Variants in FLVCR2 observed in about 807,000 individuals in gnomAD.
FLVCR2 encodes choline/ethanolamine transporter FLVCR2.
FLVCR2 carries 38 observed loss-of-function variants against 48.9 expected under a neutral mutation model. That is an observed-to-expected ratio of 0.78 (90% CI 0.60 to 1.02). The LOEUF is 1.02. FLVCR2 is among the 50% of genes least tolerant of loss of function. The pLI, the probability that FLVCR2 is intolerant of heterozygous loss-of-function variation, is 0.00. For synonymous variants in FLVCR2, 255 were observed against 257.0 expected (o/e 0.99, Z 0.07); for missense variants, 664 against 663.3 (o/e 1.00, Z -0.01).
In FLVCR2 at chr14:75,622,158, T is replaced by A. The variant is rs754550043; in HGVS notation, c.749T>A (p.Ile250Asn). ...GACCGGGACGAGCTTGCCTACCACA[T>A]CAGCATCATGTTCTATATAATAGGA... ...IEDRDELAYH[I>N]SIMFYIIGGV... The change falls in exon 2 of 10, where the codon ATC becomes AAC. Residue 250 changes from isoleucine (I) to asparagine (N), a missense_variant. Ile to Asn is a moderately radical substitution (Grantham distance 149). Transcript: ENST00000238667. 2 of 1,614,060 alleles carry A rather than the reference T, an allele frequency of 1.2e-6. No individual in the cohort carries two copies. Among genetic ancestry groups the A allele is most frequent in the Non-Finnish European group, 8.5e-7 (1 of 1,179,932 alleles).
intron 1 of FLVCR2, among the ~76,000 whole-genome samples, chr14:75,599,104 C>A (rs1459055487): frequency 2.0e-5 from 3 of 152,148 alleles, no homozygotes; most frequent in Non-Finnish European, 4.4e-5. Flanking sequence ...TTTTGACAAG[C>A]TTTGGAAGTC....
At position 75,579,050 on chromosome 14, in the gene FLVCR2, C is replaced by A. The variant is rs768707435; in HGVS notation, c.78C>A (p.Ser26Arg). 11 of 1,601,248 alleles carry A rather than the reference C, an allele frequency of 6.9e-6. No individual in the cohort carries two copies. The highest frequency in any genetic ancestry group is 3.3e-4 in the Middle Eastern group (2 of 6,014). Residue 26 changes from serine to arginine, a missense_variant, in exon 1 of 10, where the codon AGC becomes AGA. Transcript: ENST00000238667. ...VPESALQADP[S>R]VSVHPSVSVH... ...AGTCCGCACTCCAAGCGGACCCCAG[C>A]GTCTCGGTCCATCCCAGCGTCTCGG... is the stretch of plus-strand genomic sequence containing the variant.
At chr14:75,640,857 A>G in intron 6 of FLVCR2, 98 bp from the exon 7 acceptor site, 2 of 854,152 alleles carry the variant, frequency 2.3e-6, no homozygotes, top group Non-Finnish European at 4.0e-6. Flanking sequence ...GTGGGAAGAA[A>G]CAAAACAGCA....
chr14:75,584,689 G>A (rs767039961), intron 1 of FLVCR2, among the ~76,000 whole-genome samples: 84 of 152,194 alleles, frequency 5.5e-4, no homozygotes, highest in Non-Finnish European at 7.5e-4. Flanking sequence ...GGTCTGGCTC[G>A]TGAAGCCGGC....
At position 75,617,884 on chromosome 14, in the gene FLVCR2, G is replaced by C. The variant is rs1594805106; in HGVS notation, c.670-4195G>C. Among the ~76,000 whole-genome samples, 9 of 152,332 alleles carry C rather than the reference G, an allele frequency of 5.9e-5. No individual in the cohort carries two copies. In the South Asian group the frequency reaches 1.9e-3, roughly 32 times the overall value. ...CAACCTTCCTGAGGAAGCAGGATTTGCACTCAGACCTGAAGGATATCTGCA... is the reference window on the plus strand; with the variant it reads ...CAACCTTCCTGAGGAAGCAGGATTTCCACTCAGACCTGAAGGATATCTGCA... On this transcript the variant is annotated intron_variant, in intron 1 of 9. Coordinates refer to ENST00000238667, the MANE Select transcript of FLVCR2 (RefSeq NM_017791.3).
intron 6 of FLVCR2, among the ~76,000 whole-genome samples, chr14:75,640,126 G>A (rs1594816392): frequency 6.6e-6 from 1 of 152,206 alleles, no homozygotes; most frequent in African/African-American, 2.4e-5. Context: ...AGGCATGGTG[G>A]CACACACCTG....
chr14:75,624,917 T>C (rs1384979643), intron 3 of FLVCR2, among the ~76,000 whole-genome samples, 165 bp downstream of exon 3: 1 of 152,090 alleles, frequency 6.6e-6, no homozygotes, highest in African/African-American at 2.4e-5. Context: ...TTTGCATGTG[T>C]TGTAAAGTCC....
At chr14:75,591,640 T>C (rs1430737622) in intron 1 of FLVCR2, among the ~76,000 whole-genome samples, 1 of 152,166 alleles carries the variant, frequency 6.6e-6, no homozygotes, top group Non-Finnish European at 1.5e-5. Context: ...GGCCCTACTC[T>C]TGTGGCTCCA....
At chr14:75,600,925 A>G (rs1251537126) in intron 1 of FLVCR2, among the ~76,000 whole-genome samples, 2 of 152,172 alleles carry the variant, frequency 1.3e-5, no homozygotes, top group African/African-American at 2.4e-5. Context: ...GCTAACAAAT[A>G]TACAAATGGT....
chr14:75,598,720 G>T (rs932547996), intron 1 of FLVCR2, among the ~76,000 whole-genome samples: 1 of 152,174 alleles, frequency 6.6e-6, no homozygotes, highest in African/African-American at 2.4e-5. Context: ...AAGCGATCCT[G>T]CTGCCTCCGC....
chr14:75,611,295 C>T (rs1489464387), intron 1 of FLVCR2, among the ~76,000 whole-genome samples: 3 of 152,272 alleles, frequency 2.0e-5, no homozygotes, highest in South Asian at 2.1e-4. Context: ...GAGGGAGTGT[C>T]GGGTGTGAGG....
intron 5 of FLVCR2, among the ~76,000 whole-genome samples, chr14:75,636,328 C>G (rs117725470): frequency 0.018 from 2,807 of 152,176 alleles, 53 homozygotes; most frequent in South Asian, 0.07. Flanking sequence ...CGACGAGGAG[C>G]CTGGCTCGGC....
chr14:75,616,030 A>AAAAAAAAAAAAC, intron 1 of FLVCR2, among the ~76,000 whole-genome samples: 1 of 146,444 alleles, frequency 6.8e-6, no homozygotes, highest in Non-Finnish European at 1.5e-5. Flanking sequence ...CCATCTCAAA[A>AAAAAAAAAAAAC]AAAAAAAAAA....
At chr14:75,583,257 T>C (rs573294844) in intron 1 of FLVCR2, among the ~76,000 whole-genome samples, 43 of 152,290 alleles carry the variant, frequency 2.8e-4, no homozygotes, top group African/African-American at 9.9e-4. Context: ...GACAATTTGG[T>C]TGATAAGGCG....
intron 8 of FLVCR2, among the ~76,000 whole-genome samples, chr14:75,641,507 T>G (rs990269078): frequency 9.9e-5 from 15 of 152,210 alleles, no homozygotes; most frequent in African/African-American, 3.6e-4. Context: ...TGACAATGAC[T>G]TCCATAGCTA....
intron 1 of FLVCR2, among the ~76,000 whole-genome samples, chr14:75,581,229 A>C (rs1290652818): frequency 6.6e-6 from 1 of 152,154 alleles, no homozygotes; most frequent in African/African-American, 2.4e-5. Flanking sequence ...AGGTCTGAAA[A>C]AGAGAAGGAG....
intron 9 of FLVCR2, among the ~76,000 whole-genome samples, chr14:75,643,807 G>A (rs912954490): frequency 3.3e-5 from 5 of 152,262 alleles, no homozygotes; most frequent in African/African-American, 4.8e-5. Context: ...CTGGCCGGGC[G>A]CGATGGCTCA....
intron 6 of FLVCR2, 50 bp from the exon 7 acceptor site, chr14:75,640,902 CCTT>C: frequency 7.6e-7 from 1 of 1,311,526 alleles, no homozygotes; most frequent in Non-Finnish European, 1.1e-6. Context: ...GGCTCCCCAT[CCTT>C]CTTGTTCTGG....
chr14:75,646,150 T>G (rs1890416452), intron 9 of FLVCR2, among the ~76,000 whole-genome samples: 1 of 152,136 alleles, frequency 6.6e-6, no homozygotes, highest in African/African-American at 2.4e-5. Flanking sequence ...TGTGGTGGCC[T>G]TGGCATCATA....
Sources: allele counts gnomAD v4.1 joint callset (sites outside exome capture counted in the v4.1 genomes callset), GRCh38; gene constraint gnomAD v4.1.1; transcripts MANE v1.5; gene names NCBI Gene and HGNC (gene_info 2026-07-23, HGNC 2026-07-21).